Variants in SHROOM3 observed in about 807,000 individuals in gnomAD.
The protein encoded by SHROOM3 is shroom family member 3.
A neutral mutation model predicts 138.6 loss-of-function variants in SHROOM3; 47 were observed. The ratio of observed to expected loss-of-function variants is 0.34; its 90% CI spans 0.27 to 0.43. The LOEUF is 0.43. Among genes scored for constraint, SHROOM3 ranks in the 20% least tolerant of loss-of-function variants. The pLI is 1.00. For synonymous variants in SHROOM3, 1,062 were observed against 1,063.3 expected, an observed-to-expected ratio of 1.00 and a Z score of 0.02; for missense variants, 2,491 against 2,596.5, an observed-to-expected ratio of 0.96 and a Z score of 0.88.
chr4:76,763,754 G>T (rs1486826531), intron 9 of SHROOM3, among the ~76,000 whole-genome samples: 1 of 152,080 alleles, frequency 6.6e-6, no homozygotes. Context: ...TTGTTGTAAT[G>T]AACTACAAGT....
intron 3 of SHROOM3, among the ~76,000 whole-genome samples, chr4:76,720,525 C>T (rs1172706896): frequency 1.3e-5 from 2 of 151,830 alleles, no homozygotes. Context: ...TTCCTATAAA[C>T]AGTAAATGCC....
intron 2 of SHROOM3, among the ~76,000 whole-genome samples, chr4:76,682,067 A>G (rs1719215651): frequency 6.6e-6 from 1 of 152,142 alleles, no homozygotes. Context: ...TTAGTCCTAG[A>G]AAGCTGTAAT....
At chr4:76,554,613 G>A (rs1255811054) in intron 1 of SHROOM3, among the ~76,000 whole-genome samples, 1 of 151,656 alleles carries the variant, frequency 6.6e-6, no homozygotes, top group Non-Finnish European at 1.5e-5. Context: ...GTAGAGATGG[G>A]GTTTCACCGT....
intron 1 of SHROOM3, among the ~76,000 whole-genome samples, chr4:76,491,066 A>G (rs1417538660): frequency 1.3e-5 from 2 of 152,194 alleles, no homozygotes; most frequent in Non-Finnish European, 2.9e-5. Context: ...TGGTTTGGCA[A>G]CTTTTGAACT....
In SHROOM3 at chr4:76,555,513, G is replaced by A. The variant is rs573368050; in HGVS notation, c.169-96G>A. On this transcript the variant is annotated intron_variant, in intron 1 of 10. Transcript: ENST00000296043. ...GGTGTGGCCCTAGCTGGTCCGTTGG[G>A]CTCTGCAGGAGTCTAAGCTGGGCTC... 5.1e-6 allele frequency: 8 copies of A among 1,572,880 alleles called. No individual in the cohort carries two copies. In the South Asian group the frequency reaches 5.7e-5, roughly 11 times the overall value.
intron 3 of SHROOM3, among the ~76,000 whole-genome samples, chr4:76,721,859 G>A (rs1720561487): frequency 6.6e-6 from 1 of 152,198 alleles, no homozygotes; most frequent in African/African-American, 2.4e-5. Flanking sequence ...TGGGTGTGGT[G>A]GAGGAGGAAT....
chr4:76,449,109 A>G (rs192314333), intron 1 of SHROOM3, among the ~76,000 whole-genome samples: 26 of 152,314 alleles, frequency 1.7e-4, no homozygotes, highest in Middle Eastern at 3.4e-3. Context: ...GAATGAAATC[A>G]AGATTTTCTC....
intron 2 of SHROOM3, among the ~76,000 whole-genome samples, chr4:76,568,444 C>A (rs1733772101): frequency 6.6e-6 from 1 of 152,186 alleles, no homozygotes; most frequent in African/African-American, 2.4e-5. Context: ...CACTATCCTT[C>A]TATTCCCTAT....
intron 4 of SHROOM3, among the ~76,000 whole-genome samples, chr4:76,737,391 C>T (rs1052993102): frequency 2.6e-5 from 4 of 151,894 alleles, no homozygotes; most frequent in Non-Finnish European, 5.9e-5. Context: ...TGTAAACATC[C>T]GTGTGTGGGT....
intron 1 of SHROOM3, among the ~76,000 whole-genome samples, chr4:76,487,172 A>G (rs1225091049): frequency 2.0e-5 from 3 of 152,210 alleles, no homozygotes; most frequent in African/African-American, 7.2e-5. Flanking sequence ...GACATTTCAT[A>G]TAAATAGAAC....
chr4:76,749,220 C>T lies in SHROOM3; in HGVS notation c.3827+130C>T, dbSNP rs1413887472. 6.0e-6 allele frequency: 5 copies of T among 839,970 alleles called. No homozygotes were observed. In the African/African-American group the frequency reaches 9.0e-5, roughly 15 times the overall value. The allele number at this position is 839,970 out of a possible 1,614,324, so 52.0% of individuals were successfully genotyped here. A position where few individuals can be genotyped will look rare whatever the true frequency, so the allele number is the denominator to read the frequency against. ...ACATGCTTTTTTGATTTGTCTAGGC[C>T]ATGGATAACTTTTTTTTTTAGTTTT... On this transcript the variant is annotated intron_variant, in intron 6 of 10. Transcript: ENST00000296043.
chr4:76,544,485 C>T (rs1040998133), intron 1 of SHROOM3, among the ~76,000 whole-genome samples: 6 of 135,486 alleles, frequency 4.4e-5, no homozygotes, highest in East Asian at 2.2e-4. Flanking sequence ...GGCACAATCT[C>T]GGCTCACTGC....
At chr4:76,446,618 A>G (rs1203384529) in intron 1 of SHROOM3, among the ~76,000 whole-genome samples, 3 of 152,210 alleles carry the variant, frequency 2.0e-5, no homozygotes, top group Non-Finnish European at 4.4e-5. Flanking sequence ...AAGGAGAAAT[A>G]CTAGACGAAC....
intron 2 of SHROOM3, chr4:76,573,736 C>T (rs1009484744): frequency 6.5e-6 from 1 of 152,684 alleles, no homozygotes; most frequent in African/African-American, 2.4e-5. Flanking sequence ...GGATTGCTGG[C>T]AACCCCACAC....
chr4:76,584,043 G>C (rs146669795), intron 2 of SHROOM3, among the ~76,000 whole-genome samples: 5 of 152,172 alleles, frequency 3.3e-5, no homozygotes, highest in Admixed American at 6.5e-5. Context: ...GGCTGGGTAC[G>C]GCGGCTCACG....
intron 1 of SHROOM3, among the ~76,000 whole-genome samples, chr4:76,464,382 C>G (rs1436652499): frequency 6.6e-6 from 1 of 152,172 alleles, no homozygotes; most frequent in Non-Finnish European, 1.5e-5. Flanking sequence ...ATGCCTGTAC[C>G]CCATTGTATC....
At chr4:76,477,782 A>G (rs1337048654) in intron 1 of SHROOM3, among the ~76,000 whole-genome samples, 1 of 152,150 alleles carries the variant, frequency 6.6e-6, no homozygotes, top group Non-Finnish European at 1.5e-5. Context: ...TACCCAGCTC[A>G]TCTCATTGGG....
intron 4 of SHROOM3, among the ~76,000 whole-genome samples, chr4:76,733,370 T>C (rs2110129791): frequency 6.6e-6 from 1 of 152,280 alleles, no homozygotes; most frequent in Admixed American, 6.5e-5. Flanking sequence ...CCACTCTGTC[T>C]CTCTGATTGA....
chr4:76,661,420 C>G (rs1046364590), intron 2 of SHROOM3, among the ~76,000 whole-genome samples: 2 of 151,928 alleles, frequency 1.3e-5, no homozygotes, highest in African/African-American at 4.8e-5. Flanking sequence ...TTAGTAGAGA[C>G]GGGGTTTCAC....
Sources: gnomAD v4.1 joint callset for allele counts (sites outside exome capture counted in the v4.1 genomes callset) on GRCh38, gnomAD v4.1.1 for gene constraint, MANE v1.5 for transcripts, NCBI Gene and HGNC (gene_info 2026-07-23, HGNC 2026-07-21) for gene names.